LRRC53: variants seen among roughly 807,000 people sequenced by gnomAD.
The protein encoded by LRRC53 is leucine-rich repeat-containing protein 53.
Under a neutral mutation model 13.6 loss-of-function variants are expected in LRRC53, and 25 were observed. The observed-to-expected ratio is 1.83, with a 90% confidence interval of 1.34 to 2.56. LRRC53 has a LOEUF of 2.56. Among genes scored for constraint, LRRC53 ranks in the 30% most tolerant of loss-of-function variants. The pLI is 0.00. For synonymous variants in LRRC53, 204 were observed against 109.8 expected (o/e 1.86, Z -5.37); for missense variants, 527 against 275.8 (o/e 1.91, Z -6.45).
At chr1:74,484,447 C>A (rs1313306248) in intron 1 of LRRC53, among the ~76,000 whole-genome samples, 1 of 152,034 alleles carries the variant, frequency 6.6e-6, no homozygotes, top group Non-Finnish European at 1.5e-5. Context: ...AGGATATAAA[C>A]AATAAACAAA....
intron 2 of LRRC53, 117 bp downstream of exon 2, chr1:74,483,145 T>C: frequency 1.7e-6 from 1 of 577,924 alleles, no homozygotes. Context: ...TGAAGTGTAC[T>C]CATTAAAGGG....
chr1:74,504,164 C>G (rs1253824041), intron 1 of LRRC53, among the ~76,000 whole-genome samples: 1 of 152,168 alleles, frequency 6.6e-6, no homozygotes, highest in Non-Finnish European at 1.5e-5. Flanking sequence ...TTGCTAGTGC[C>G]CTCTGCATTG....
the LRRC53 span, among the ~76,000 whole-genome samples, chr1:74,518,253 G>T: frequency 2.6e-5 from 4 of 152,176 alleles, no homozygotes; most frequent in Non-Finnish European, 4.4e-5. Flanking sequence ...TTTCAGTCTG[G>T]ATGGCTAGAA....
the LRRC53 span, among the ~76,000 whole-genome samples, chr1:74,518,705 A>G: frequency 2.7e-3 from 417 of 152,294 alleles, 3 homozygotes; most frequent in Non-Finnish European, 5.0e-3. Context: ...CAAAATTATT[A>G]TATTAGTGTT....
chr1:74,532,888 T>TC, the LRRC53 span, among the ~76,000 whole-genome samples: 1 of 152,220 alleles, frequency 6.6e-6, no homozygotes, highest in African/African-American at 2.4e-5. Flanking sequence ...CTGGATCCCT[T>TC]CCTCACACCT....
At position 74,480,285 on chromosome 1, in the gene LRRC53, C is replaced by T; in HGVS notation, c.772G>A (p.Ala258Thr). The change falls in exon 3 of 5, where the codon GCA (alanine) becomes ACA (threonine). Residue 258 changes from alanine to threonine, a missense_variant. Transcript: ENST00000294635. The stretch of plus-strand genomic sequence containing the variant: ...TCAGACAGCCTCAGCACACTCTGTG[C>T]AGCTGCCACAGCTGCGGTAGATGGC... ...CQPSTAAVAA[A>T]QSVLRLSETN... 1 of 717,552 alleles carries T rather than the reference C, an allele frequency of 1.4e-6. No homozygotes were observed. Among genetic ancestry groups the T allele is most frequent in the Non-Finnish European group, 2.6e-6 (1 of 385,102 alleles). 44.4% of individuals were successfully genotyped at this position (717,552 alleles called of 1,614,324 possible). A position where few individuals can be genotyped will look rare whatever the true frequency, so the allele number is the denominator to read the frequency against.
chr1:74,485,124 T>G (rs1668688885), intron 1 of LRRC53, among the ~76,000 whole-genome samples: 1 of 152,186 alleles, frequency 6.6e-6, no homozygotes, highest in South Asian at 2.1e-4. Flanking sequence ...GATAGACATG[T>G]AAATACCTAT....
At chr1:74,527,071 T>C in the LRRC53 span, among the ~76,000 whole-genome samples, 2 of 152,334 alleles carry the variant, frequency 1.3e-5, no homozygotes, top group East Asian at 1.9e-4. Flanking sequence ...TCTATATTTG[T>C]TCAAGTCACG....
At chr1:74,535,757 T>C in the LRRC53 span, among the ~76,000 whole-genome samples, 2 of 152,202 alleles carry the variant, frequency 1.3e-5, no homozygotes, top group African/African-American at 2.4e-5. Flanking sequence ...ATGTCATCTA[T>C]ATGAAATACC....
rs1570661069 is a variant in LRRC53, at chr1:74,469,831, G to T, written c.*47C>A. 4.5e-5 allele frequency: 18 copies of T among 399,942 alleles called. No homozygotes were observed. Among genetic ancestry groups the T allele is most frequent in the Non-Finnish European group, 8.9e-6 (2 of 225,788 alleles). 24.8% of individuals were successfully genotyped at this position (399,942 alleles called of 1,614,324 possible). The stretch of plus-strand genomic sequence containing the variant: ...GCTAGTGGGTGTTTGTCCTCTTGAA[G>T]AAAGCTAAAGTAGAAAAGGATTATT... On this transcript the variant is annotated 3_prime_UTR_variant, in exon 5 of 5. Transcript: ENST00000294635.
At chr1:74,486,944 C>A (rs184084437) in intron 1 of LRRC53, among the ~76,000 whole-genome samples, 6 of 152,118 alleles carry the variant, frequency 3.9e-5, no homozygotes. Context: ...GCAATGAGAT[C>A]TTTGTAACCT....
chr1:74,493,540 A>G (rs185845454), intron 1 of LRRC53, among the ~76,000 whole-genome samples: 1 of 152,334 alleles, frequency 6.6e-6, no homozygotes, highest in Admixed American at 6.5e-5. Context: ...AAAGAGAAAT[A>G]TATCTGTCAT....
upstream of LRRC53, among the ~76,000 whole-genome samples, chr1:74,515,484 G>A (rs746296107): frequency 1.3e-5 from 2 of 152,204 alleles, no homozygotes; most frequent in Non-Finnish European, 2.9e-5. Context: ...ATGATACTAG[G>A]AAAGGGTGTG....
At chr1:74,513,934 A>G (rs1646307502), upstream of LRRC53, among the ~76,000 whole-genome samples, 1 of 152,184 alleles carries the variant, frequency 6.6e-6, no homozygotes, top group African/African-American at 2.4e-5. Flanking sequence ...TTGTTTTTCT[A>G]TAGACTAAGG....
chr1:74,532,597 G>A, the LRRC53 span, among the ~76,000 whole-genome samples: 3 of 151,692 alleles, frequency 2.0e-5, no homozygotes, highest in East Asian at 1.9e-4. Flanking sequence ...TTAGCATTAG[G>A]TATATCTCCT....
chr1:74,478,145 C>A (rs1485596052), intron 3 of LRRC53, among the ~76,000 whole-genome samples: 1 of 152,124 alleles, frequency 6.6e-6, no homozygotes, highest in Non-Finnish European at 1.5e-5. Flanking sequence ...ATAGATAACT[C>A]ACCACACGTG....
intron 1 of LRRC53, among the ~76,000 whole-genome samples, chr1:74,490,914 G>T (rs1258542493): frequency 6.6e-6 from 1 of 152,124 alleles, no homozygotes; most frequent in African/African-American, 2.4e-5. Flanking sequence ...AGTATCAAAT[G>T]GTGGAGACCT....
intron 1 of LRRC53, among the ~76,000 whole-genome samples, chr1:74,485,457 G>T (rs543387207): frequency 6.6e-6 from 1 of 152,128 alleles, no homozygotes; most frequent in Admixed American, 6.5e-5. Context: ...CTTTTTCCAG[G>T]ATCTCCTCTC....
chr1:74,481,237 T>G (rs187864986), intron 2 of LRRC53, among the ~76,000 whole-genome samples: 1 of 152,360 alleles, frequency 6.6e-6, no homozygotes, highest in Admixed American at 6.5e-5. Context: ...ATGTCAAAGT[T>G]AATTCATTGT....
Sources: allele counts gnomAD v4.1 joint callset (sites outside exome capture counted in the v4.1 genomes callset), GRCh38; gene constraint gnomAD v4.1.1; transcripts MANE v1.5; gene names NCBI Gene and HGNC (gene_info 2026-07-23, HGNC 2026-07-21).